Variants in PSIP1 observed in about 807,000 individuals in gnomAD.
The protein encoded by PSIP1 is PC4 and SRSF1 interacting protein 1.
Under a neutral mutation model 74.7 loss-of-function variants are expected in PSIP1, and 19 were observed. That is an observed-to-expected ratio of 0.25 (90% CI 0.18 to 0.37). PSIP1 has a LOEUF of 0.37. Ranked by LOEUF, PSIP1 falls within the 10% of genes least tolerant of loss-of-function variation. The pLI is 1.00. For synonymous variants in PSIP1, 222 were observed against 195.3 expected (o/e 1.14, Z -1.14); for missense variants, 601 against 614.3 (o/e 0.98, Z 0.23).
intron 3 of PSIP1, chr9:15,492,019 G>C (rs1315362796): frequency 3.3e-5 from 5 of 152,194 alleles, no homozygotes; most frequent in African/African-American, 1.2e-4. Context: ...TAGAATTCAA[G>C]GTGAGATTTG....
chr9:15,491,321 A>G (rs909477624), intron 3 of PSIP1, among the ~76,000 whole-genome samples: 41 of 152,260 alleles, frequency 2.7e-4, no homozygotes, highest in African/African-American at 9.6e-4. Context: ...TGCAAAAAAG[A>G]TACTTGCTTA....
At position 15,506,646 on chromosome 9, in the gene PSIP1, A is replaced by C; in HGVS notation, c.73-9T>G. The C allele has an allele frequency of 6.3e-7, 1 of 1,586,826 alleles. No homozygotes were observed. Among genetic ancestry groups the C allele is most frequent in the Non-Finnish European group, 8.6e-7 (1 of 1,156,474 alleles). On this transcript the variant is annotated splice_polypyrimidine_tract_variant and intron_variant, in intron 2 of 15. Coordinates refer to ENST00000380733, the MANE Select transcript of PSIP1 (RefSeq NM_033222.5). ...TCAGGAACTTCGTCTACCTAAAAGAAAAGTGAGAAAAATTAAAATATTTTA... is the reference window on the plus strand; with the variant it reads ...TCAGGAACTTCGTCTACCTAAAAGACAAGTGAGAAAAATTAAAATATTTTA...
intron 3 of PSIP1, among the ~76,000 whole-genome samples, chr9:15,503,472 T>C (rs1287610661): frequency 2.0e-5 from 3 of 151,934 alleles, no homozygotes; most frequent in Non-Finnish European, 2.9e-5. Context: ...GCCTGGGCCA[T>C]GTAGCAAGAC....
chr9:15,475,351 T>G (rs1323408925), intron 8 of PSIP1, among the ~76,000 whole-genome samples: 1 of 152,098 alleles, frequency 6.6e-6, no homozygotes, highest in African/African-American at 2.4e-5. Context: ...ATTTTGATAA[T>G]CAGTTTCCTA....
At chr9:15,509,645 C>T (rs1453373844) in intron 2 of PSIP1, among the ~76,000 whole-genome samples, 1 of 152,210 alleles carries the variant, frequency 6.6e-6, no homozygotes, top group Non-Finnish European at 1.5e-5. Flanking sequence ...AAGGCCTCAT[C>T]AAGTACAAGG....
intron 11 of PSIP1, 31 bp from the exon 12 acceptor site, chr9:15,469,367 A>T: frequency 7.0e-7 from 1 of 1,425,472 alleles, no homozygotes; most frequent in Non-Finnish European, 9.7e-7. Flanking sequence ...AAAACAGTGA[A>T]CAGTTTTTCC....
At chr9:15,481,038 A>G (rs1361208825) in intron 6 of PSIP1, among the ~76,000 whole-genome samples, 2 of 152,232 alleles carry the variant, frequency 1.3e-5, no homozygotes, top group Non-Finnish European at 2.9e-5. Context: ...GAAGCATATT[A>G]AAAGTATTAT....
At chr9:15,508,749 A>G (rs2037714897) in intron 2 of PSIP1, among the ~76,000 whole-genome samples, 1 of 152,216 alleles carries the variant, frequency 6.6e-6, no homozygotes, top group Non-Finnish European at 1.5e-5. Context: ...TGCATCATAT[A>G]TACTACGGAC....
chr9:15,489,622 A>G (rs1311278085), intron 4 of PSIP1, among the ~76,000 whole-genome samples: 1 of 151,302 alleles, frequency 6.6e-6, no homozygotes, highest in Non-Finnish European at 1.5e-5. Flanking sequence ...AAAAAAAAAA[A>G]AAAAAAGAAA....
chr9:15,506,724 AG>A, intron 2 of PSIP1, 87 bp from the exon 3 acceptor site: 1 of 1,000,534 alleles, frequency 1.0e-6, no homozygotes. Context: ...AACATCCAAA[AG>A]GGTTCTGTTA....
At chr9:15,479,972 G>C (rs1240314279) in intron 6 of PSIP1, among the ~76,000 whole-genome samples, 1 of 152,140 alleles carries the variant, frequency 6.6e-6, no homozygotes, top group African/African-American at 2.4e-5. Context: ...CAAAGTATGT[G>C]ATTACACTGC....
chr9:15,506,608 CT>C lies in PSIP1; in HGVS notation c.101del (p.Lys34SerfsTer20). 6.2e-7 allele frequency: 1 copy of C among 1,612,706 alleles called. No homozygotes were observed. ...AAATGGGTAGTTTGTTTGTGGGTGG[CT>C]TTACAGCTCCATCAGGAACTTCGTC... is the stretch of plus-strand genomic sequence containing the variant. ...RVDEVPDGAV[K>X]PPTNKLPIFF... On this transcript the variant is annotated frameshift_variant, in exon 3 of 16. Coordinates refer to ENST00000380733, the MANE Select transcript of PSIP1 (RefSeq NM_033222.5). LOFTEE classifies it high-confidence loss of function.
intron 3 of PSIP1, among the ~76,000 whole-genome samples, chr9:15,501,075 G>C (rs143521226): frequency 6.6e-6 from 1 of 151,914 alleles, no homozygotes; most frequent in Admixed American, 6.6e-5. Flanking sequence ...AAGATTCTGA[G>C]GCAAGATAAT....
At chr9:15,482,070 A>AT (rs1336542811) in intron 6 of PSIP1, among the ~76,000 whole-genome samples, 13 of 151,888 alleles carry the variant, frequency 8.6e-5, no homozygotes, top group Non-Finnish European at 4.4e-5. Context: ...TTTTCTCTTC[A>AT]TTTTTTACCC....
At chr9:15,510,367 CCGAAGGGA>C in intron 1 of PSIP1, 38 bp from the exon 2 acceptor site, 2 of 266,820 alleles carry the variant, frequency 7.5e-6, no homozygotes, top group Non-Finnish European at 7.0e-6. Flanking sequence ...GCGAAGAACC[CCGAAGGGA>C]GGGGCCGCAA....
chr9:15,495,183 C>A (rs1445172411), intron 3 of PSIP1, among the ~76,000 whole-genome samples: 1 of 151,976 alleles, frequency 6.6e-6, no homozygotes, highest in Non-Finnish European at 1.5e-5. Flanking sequence ...AGGAAAAGAC[C>A]TCAAAAATAA....
intron 14 of PSIP1, among the ~76,000 whole-genome samples, chr9:15,467,676 A>T (rs141666319): frequency 1.3e-5 from 2 of 152,398 alleles, no homozygotes; most frequent in Non-Finnish European, 2.9e-5. Context: ...TTCTATTTGT[A>T]TAAGTTATAA....
intron 3 of PSIP1, among the ~76,000 whole-genome samples, chr9:15,490,489 C>A (rs2036776235): frequency 6.6e-6 from 1 of 151,946 alleles, no homozygotes; most frequent in South Asian, 2.1e-4. Flanking sequence ...TTGAGACCAG[C>A]CTGGCCAACA....
chr9:15,467,588 G>C (rs2035689742), intron 14 of PSIP1, among the ~76,000 whole-genome samples: 1 of 152,216 alleles, frequency 6.6e-6, no homozygotes, highest in Non-Finnish European at 1.5e-5. Context: ...GGGGCATAGA[G>C]AAAGCTTATG....
Sources: gnomAD v4.1 joint callset for allele counts (sites outside exome capture counted in the v4.1 genomes callset) on GRCh38, gnomAD v4.1.1 for gene constraint, MANE v1.5 for transcripts, NCBI Gene and HGNC (gene_info 2026-07-23, HGNC 2026-07-21) for gene names.